TRAT1: variants seen among roughly 807,000 people sequenced by gnomAD.
TRAT1 encodes the protein T-cell receptor-associated transmembrane adapter 1.
TRAT1 carries 20 observed loss-of-function variants against 20.0 expected under a neutral mutation model. The observed-to-expected ratio is 1.00, with a 90% CI of 0.70 to 1.45. TRAT1 has a LOEUF of 1.45. TRAT1 is among the 40% of genes most tolerant of loss of function. The pLI is 0.00. For synonymous variants in TRAT1, 77 were observed against 74.2 expected, an observed-to-expected ratio of 1.04 and a Z score of -0.20; for missense variants, 237 against 224.1, an observed-to-expected ratio of 1.06 and a Z score of -0.37.
At chr3:108,851,804 T>C (rs1355079480) in intron 5 of TRAT1, among the ~76,000 whole-genome samples, 1 of 152,242 alleles carries the variant, frequency 6.6e-6, no homozygotes, top group Non-Finnish European at 1.5e-5. Context: ...CTCCAGTGAC[T>C]ATTAAACATA....
chr3:108,845,418 A>G (rs751779065), intron 3 of TRAT1, among the ~76,000 whole-genome samples: 1 of 152,172 alleles, frequency 6.6e-6, no homozygotes, highest in Non-Finnish European at 1.5e-5. Flanking sequence ...AAAATTCTTC[A>G]GTTTTTGCTA....
At chr3:108,844,840 T>C (rs1289462305) in intron 3 of TRAT1, among the ~76,000 whole-genome samples, 1 of 74,688 alleles carries the variant, frequency 1.3e-5, no homozygotes, top group Admixed American at 1.6e-4. Flanking sequence ...AGAGACTCTG[T>C]CTCAAAAAAA....
chr3:108,826,227 T>TCAGTGATTTTCACACAAC (rs11271542), intron 1 of TRAT1, among the ~76,000 whole-genome samples: 2 of 151,808 alleles, frequency 1.3e-5, no homozygotes, highest in South Asian at 4.2e-4. Context: ...TTAGTGAGAT[T>TCAGTGATTTTCACACAAC]CAGCCACACA....
intron 2 of TRAT1, among the ~76,000 whole-genome samples, chr3:108,834,082 C>T (rs1331480773): frequency 6.6e-6 from 1 of 152,172 alleles, no homozygotes; most frequent in Non-Finnish European, 1.5e-5. Flanking sequence ...TCACTTTCCT[C>T]ATCTCTATAT....
chr3:108,849,362 T>A, intron 5 of TRAT1, 108 bp downstream of exon 5: 1 of 853,404 alleles, frequency 1.2e-6, no homozygotes, highest in African/African-American at 1.7e-5. Flanking sequence ...ATCAATCAGA[T>A]GTCAAGTTCT....
intron 1 of TRAT1, among the ~76,000 whole-genome samples, chr3:108,824,162 G>A (rs562281504): frequency 1.3e-5 from 2 of 152,138 alleles, no homozygotes; most frequent in Admixed American, 6.6e-5. Flanking sequence ...GAGCCACTGC[G>A]CCCAGCCCTG....
chr3:108,833,803 C>T (rs1576519428), intron 2 of TRAT1, among the ~76,000 whole-genome samples: 1 of 96,416 alleles, frequency 1.0e-5, no homozygotes, highest in Admixed American at 1.1e-4. Flanking sequence ...AAGAATTACA[C>T]ACACACACAC....
intron 5 of TRAT1, among the ~76,000 whole-genome samples, chr3:108,852,826 C>T (rs1946009266): frequency 6.6e-6 from 1 of 152,196 alleles, no homozygotes; most frequent in African/African-American, 2.4e-5. Flanking sequence ...ACCAAGATCC[C>T]ATGATCACTG....
chr3:108,833,545 T>C (rs953361969), intron 2 of TRAT1, among the ~76,000 whole-genome samples: 4 of 152,198 alleles, frequency 2.6e-5, no homozygotes, highest in Non-Finnish European at 5.9e-5. Flanking sequence ...CTAAAAGTAG[T>C]GTAATGGAAA....
intron 2 of TRAT1, 49 bp downstream of exon 2, chr3:108,830,829 A>G (rs1233865727): frequency 2.5e-6 from 3 of 1,198,902 alleles, no homozygotes; most frequent in African/African-American, 3.0e-5. Flanking sequence ...AATGGAGACT[A>G]TGGAGTCACT....
At chr3:108,837,334 G>A (rs979732479) in intron 2 of TRAT1, among the ~76,000 whole-genome samples, 6 of 152,110 alleles carry the variant, frequency 3.9e-5, no homozygotes, top group South Asian at 4.1e-4. Context: ...CATATGCTCC[G>A]CAAAATCTTC....
chr3:108,845,104 T>G (rs1559824313), intron 3 of TRAT1, among the ~76,000 whole-genome samples: 1 of 152,160 alleles, frequency 6.6e-6, no homozygotes, highest in Admixed American at 6.5e-5. Context: ...ATCATCCACA[T>G]AAAATACTGC....
Position 108,838,965 on chromosome 3 carries a change from C to A in TRAT1, c.150C>A (p.Thr50=). The A allele has an allele frequency of 6.2e-7, 1 of 1,605,832 alleles. No homozygotes were observed. Among genetic ancestry groups the A allele is most frequent in the Non-Finnish European group, 8.5e-7 (1 of 1,172,526 alleles). ...DKMYSYSSDH[T]RVDEYYIEDT... is the part of the protein sequence containing the mutation. The stretch of plus-strand genomic sequence containing the variant: ...TGTACAGCTACTCCAGTGACCACAC[C>A]AGGTATGTTGTGATTCAGTCATGGA... The change falls in exon 3 of 6, where the codon ACC becomes ACA. Residue 50 remains threonine (T), a splice_region_variant and synonymous_variant. Coordinates refer to ENST00000295756, the MANE Select transcript of TRAT1 (RefSeq NM_016388.4).
At chr3:108,842,910 T>C (rs1945907861) in intron 3 of TRAT1, among the ~76,000 whole-genome samples, 1 of 152,224 alleles carries the variant, frequency 6.6e-6, no homozygotes, top group African/African-American at 2.4e-5. Flanking sequence ...ATCATGGCTA[T>C]GAGCATCCAT....
chr3:108,834,097 T>C (rs1167042724), intron 2 of TRAT1, among the ~76,000 whole-genome samples: 1 of 152,202 alleles, frequency 6.6e-6, no homozygotes, highest in African/African-American at 2.4e-5. Flanking sequence ...CTATATTATT[T>C]AACACATCTG....
rs557406679 is a variant in TRAT1 at position 108,849,520 on chromosome 3, G to GA, written c.303+270dup. On this transcript the variant is annotated intron_variant, in intron 5 of 5. Coordinates refer to ENST00000295756, the MANE Select transcript of TRAT1 (RefSeq NM_016388.4). ...TCTATTAAGCTTTTTCTTTCTGATT[G>GA]AAAATTTTGTGTATATCACAGAGAT... Among the ~76,000 whole-genome samples the GA allele has an allele frequency of 4.5e-4, 69 of 152,258 alleles. No individual in the cohort carries two copies. In the Middle Eastern group the frequency reaches 0.01, roughly 23 times the overall value.
At chr3:108,849,099 T>A in intron 4 of TRAT1, 67 bp from the exon 5 acceptor site, 1 of 1,306,438 alleles carries the variant, frequency 7.7e-7, no homozygotes, top group Non-Finnish European at 1.1e-6. Flanking sequence ...GTTTGGATCA[T>A]GTATTTTTAA....
chr3:108,823,921 G>A (rs1945713794), intron 1 of TRAT1, among the ~76,000 whole-genome samples: 1 of 152,046 alleles, frequency 6.6e-6, no homozygotes, highest in Admixed American at 6.5e-5. Flanking sequence ...TGCCAGGCAG[G>A]AGTGCAGTGG....
intron 3 of TRAT1, 51 bp downstream of exon 3, chr3:108,839,018 TA>T (rs2107511369): frequency 7.4e-7 from 1 of 1,350,520 alleles, no homozygotes; most frequent in East Asian, 2.3e-5. Context: ...TAAGCAAAAG[TA>T]ACAATGCTAT....
Sources: allele counts gnomAD v4.1 joint callset (sites outside exome capture counted in the v4.1 genomes callset), GRCh38; gene constraint gnomAD v4.1.1; transcripts MANE v1.5; gene names NCBI Gene and HGNC (gene_info 2026-07-23, HGNC 2026-07-21).